SCAF4: variants seen among roughly 807,000 people sequenced by gnomAD.
The protein encoded by SCAF4 is SR-related CTD associated factor 4, also known as SR-related and CTD-associated factor 4.
A neutral mutation model predicts 129.8 loss-of-function variants in SCAF4; 25 were observed. The observed-to-expected ratio is 0.19, with a 90% CI of 0.14 to 0.27. The LOEUF is 0.27. Ranked by LOEUF, SCAF4 falls within the 10% of genes least tolerant of loss-of-function variation. SCAF4 has a pLI of 1.00. For synonymous variants in SCAF4, 551 were observed against 497.7 expected, an observed-to-expected ratio of 1.11 and a Z score of -1.43; for missense variants, 1,246 against 1,457.1, an observed-to-expected ratio of 0.86 and a Z score of 2.36.
intron 19 of SCAF4, 70 bp from the exon 20 acceptor site, chr21:31,672,424 G>T: frequency 8.4e-7 from 1 of 1,188,364 alleles, no homozygotes; most frequent in Non-Finnish European, 1.2e-6. Flanking sequence ...TGTGTTCTGT[G>T]GCGCTTAAAG....
chr21:31,689,469 T>G (rs1014232280), intron 15 of SCAF4, among the ~76,000 whole-genome samples: 2 of 150,730 alleles, frequency 1.3e-5, no homozygotes, highest in South Asian at 4.2e-4. Context: ...AGCTAATTTT[T>G]TTTTTTTTTT....
intron 7 of SCAF4, chr21:31,700,777 T>A: frequency 8.0e-6 from 3 of 374,758 alleles, no homozygotes; most frequent in Non-Finnish European, 1.4e-5. Context: ...AATTTTACAC[T>A]AGTAAATTCA....
chr21:31,696,341 C>A (rs939975466), intron 8 of SCAF4, 120 bp from the exon 9 acceptor site: 9 of 731,936 alleles, frequency 1.2e-5, no homozygotes, highest in Middle Eastern at 5.8e-4. Context: ...CATATATTTA[C>A]CTATATATTA....
intron 4 of SCAF4, 72 bp from the exon 5 acceptor site, chr21:31,702,451 AAGAG>A: frequency 2.9e-6 from 4 of 1,367,442 alleles, no homozygotes; most frequent in Non-Finnish European, 4.0e-6. Context: ...TTACAAAAAA[AAGAG>A]AGGAAAACTC....
chr21:31,687,836 G>A (rs112165919), intron 16 of SCAF4, among the ~76,000 whole-genome samples: 2,982 of 152,036 alleles, frequency 0.02, 98 homozygotes, highest in African/African-American at 0.069. Flanking sequence ...GGCCAGGCAC[G>A]GTGGCTCACA....
At chr21:31,681,877 ATT>A (rs2123486049) in intron 19 of SCAF4, among the ~76,000 whole-genome samples, 1 of 152,300 alleles carries the variant, frequency 6.6e-6, no homozygotes, top group Non-Finnish European at 1.5e-5. Context: ...TCACTACAGA[ATT>A]TTTGGAGACC....
rs73353420 is a variant in SCAF4, at chr21:31,712,047, T to G, written c.31-5690A>C. Among the ~76,000 whole-genome samples, 728 of 152,286 alleles carry G rather than the reference T, an allele frequency of 4.8e-3. 9 individuals carry two copies. Among genetic ancestry groups the G allele is most frequent in the African/African-American group, 0.017 (694 of 41,542 alleles). ...ACTAAAGGTCAATACACTGTTTTTA[T>G]GTTTTAGAACTCAATTTTACCTTAG... On this transcript the variant is annotated intron_variant, in intron 1 of 19. Transcript: ENST00000286835.
At chr21:31,683,391 A>G (rs773458104) in intron 19 of SCAF4, among the ~76,000 whole-genome samples, 3 of 152,212 alleles carry the variant, frequency 2.0e-5, no homozygotes, top group African/African-American at 2.4e-5. Flanking sequence ...GTTAAATTGT[A>G]TGTTCAGTAG....
chr21:31,672,547 A>C (rs2049737269), intron 19 of SCAF4, among the ~76,000 whole-genome samples, 193 bp from the exon 20 acceptor site: 2 of 152,236 alleles, frequency 1.3e-5, no homozygotes, highest in South Asian at 4.1e-4. Flanking sequence ...ACATTTTTAA[A>C]GTATCTAATA....
At chr21:31,684,522 C>A (rs546022324) in intron 19 of SCAF4, 1 of 153,796 alleles carries the variant, frequency 6.5e-6, no homozygotes, top group Non-Finnish European at 1.4e-5. Context: ...CCTCAGGCTG[C>A]GCAACTGTTA....
rs2050175883 is a variant in SCAF4, at chr21:31,688,224, G to T, written c.2043+83C>A. On this transcript the variant is annotated intron_variant, in intron 16 of 19. Transcript: ENST00000286835. ...TATATGTACTCATGTTTTTTACTAT[G>T]AATCCAGACATATATCTACAGTAAG... The T allele has an allele frequency of 2.5e-6, 3 of 1,200,266 alleles. No homozygotes were observed. The South Asian group carries it at 5.4e-5, about 22-fold the overall frequency. The allele number at this position is 1,200,266 out of a possible 1,614,324, so 74.4% of individuals were successfully genotyped here.
chr21:31,716,866 T>C (rs754611597), intron 1 of SCAF4, among the ~76,000 whole-genome samples: 2 of 152,150 alleles, frequency 1.3e-5, no homozygotes, highest in Non-Finnish European at 2.9e-5. Flanking sequence ...CAAGTACCAC[T>C]ATGTCACTTT....
chr21:31,678,320 A>G (rs1342704342), intron 19 of SCAF4, among the ~76,000 whole-genome samples: 1 of 152,132 alleles, frequency 6.6e-6, no homozygotes, highest in East Asian at 1.9e-4. Flanking sequence ...TCTTTTTCGC[A>G]TTCCGTATTT....
intron 19 of SCAF4, chr21:31,684,585 A>G (rs1255369486): frequency 6.5e-6 from 1 of 154,694 alleles, no homozygotes; most frequent in Admixed American, 6.4e-5. Context: ...TTTCTTTGCT[A>G]GCCCACAAAG....
At chr21:31,718,409 A>G (rs988568355) in intron 1 of SCAF4, among the ~76,000 whole-genome samples, 1 of 152,224 alleles carries the variant, frequency 6.6e-6, no homozygotes. Context: ...TGAAAACAAG[A>G]TAAATCTGGC....
intron 2 of SCAF4, 107 bp from the exon 3 acceptor site, chr21:31,705,574 A>T: frequency 2.5e-6 from 1 of 397,850 alleles, no homozygotes; most frequent in Non-Finnish European, 4.6e-6. Flanking sequence ...AATATTATCA[A>T]TACTGAATGA....
intron 1 of SCAF4, 112 bp from the exon 2 acceptor site, chr21:31,706,469 G>C: frequency 1.4e-6 from 1 of 694,520 alleles, no homozygotes. Context: ...GGGCCGGGGT[G>C]GTGAGGGGGG....
chr21:31,685,661 T>C lies in SCAF4; in HGVS notation c.2116A>G (p.Ile706Val), dbSNP rs764010062. The change falls in exon 17 of 20, where the codon ATA becomes GTA. Residue 706 changes from isoleucine (I) to valine (V), a missense_variant. Physicochemically the swap from Ile to Val is conservative, Grantham distance 29. Around this residue, in one of 6 missense-constraint regions of SCAF4, gnomAD observed 468 missense variants for 605.5 expected, o/e 0.77. Transcript: ENST00000286835. ...CCAGGACCAAAGCCTGGAGGCGGTA[T>C]TCCCAGAGGAGGCGTGAAAGCAGGC... ...QPPAFTPPLG[I>V]PPPGFGPGVP... 2 of 1,613,734 alleles carry C rather than the reference T, an allele frequency of 1.2e-6. No homozygotes were observed. The highest frequency in any genetic ancestry group is 1.7e-6 in the Non-Finnish European group (2 of 1,179,874).
intron 4 of SCAF4, 27 bp from the exon 5 acceptor site, chr21:31,702,406 A>C: frequency 6.3e-7 from 1 of 1,597,050 alleles, no homozygotes; most frequent in East Asian, 2.2e-5. Flanking sequence ...ACACAAATAT[A>C]CAATAAATAT....
Sources: gnomAD v4.1 joint callset for allele counts (sites outside exome capture counted in the v4.1 genomes callset) on GRCh38, gnomAD v4.1.1 for gene constraint, gnomAD v4.1.1 regional missense constraint, MANE v1.5 for transcripts, NCBI Gene and HGNC (gene_info 2026-07-23, HGNC 2026-07-21) for gene names.